The following CNTNAP2 variants were observed in gnomAD, a reference collection of about 807,000 sequenced individuals.
CNTNAP2 encodes contactin-associated protein-like 2.
Under a neutral mutation model 155.2 loss-of-function variants are expected in CNTNAP2, and 98 were observed. That is an observed-to-expected ratio of 0.63 (90% CI 0.54 to 0.75). The LOEUF (loss-of-function observed/expected upper bound fraction) is 0.75. Ranked by LOEUF, CNTNAP2 falls within the 30% of genes least tolerant of loss-of-function variation. CNTNAP2 has a pLI of 0.00. For missense variants in CNTNAP2, 1,727 were observed against 1,688.1 expected, an observed-to-expected ratio of 1.02 and a Z score of -0.40; for synonymous variants, 651 against 631.2, an observed-to-expected ratio of 1.03 and a Z score of -0.47.
At chr7:148,087,037 G>A (rs1803745440) in intron 15 of CNTNAP2, among the ~76,000 whole-genome samples, 2 of 151,994 alleles carry the variant, frequency 1.3e-5, no homozygotes, top group African/African-American at 2.4e-5. Flanking sequence ...AGATTATTAG[G>A]GCCATTGAAG....
chr7:146,952,575 C>T lies in CNTNAP2; in HGVS notation c.403-91332C>T, dbSNP rs565982816. ...TCCTGAAGCTGATAAGCAACTTCGG[C>T]GAAGTCTCAGGATATAAAATCAATG... On this transcript the variant is annotated intron_variant, in intron 3 of 23. Transcript: ENST00000361727. Among the ~76,000 whole-genome samples the T allele has an allele frequency of 7.5e-4, 114 of 152,192 alleles. 2 individuals are homozygous for T. The South Asian group carries it at 0.02, about 26-fold the overall frequency.
At chr7:146,445,482 C>G (rs931892513) in intron 1 of CNTNAP2, among the ~76,000 whole-genome samples, 1 of 151,968 alleles carries the variant, frequency 6.6e-6, no homozygotes, top group Non-Finnish European at 1.5e-5. Flanking sequence ...AAAAGAGTTC[C>G]CAGAGTTTTT....
At chr7:146,159,509 A>G (rs1798182540) in intron 1 of CNTNAP2, among the ~76,000 whole-genome samples, 2 of 152,220 alleles carry the variant, frequency 1.3e-5, no homozygotes, top group Non-Finnish European at 2.9e-5. Flanking sequence ...TCACATGCAG[A>G]GACACACATA....
intron 22 of CNTNAP2, among the ~76,000 whole-genome samples, chr7:148,395,939 C>A (rs116894182): frequency 6.6e-6 from 1 of 152,152 alleles, no homozygotes; most frequent in African/African-American, 2.4e-5. Context: ...TTCCCTTCAT[C>A]CCCTACGATA....
intron 1 of CNTNAP2, among the ~76,000 whole-genome samples, chr7:146,428,801 G>T (rs776941840): frequency 6.6e-6 from 1 of 151,772 alleles, no homozygotes; most frequent in Non-Finnish European, 1.5e-5. Context: ...TGTTTTTGGC[G>T]TTTTCATCAT....
intron 14 of CNTNAP2, among the ~76,000 whole-genome samples, chr7:147,955,889 G>A (rs2116836172): frequency 6.6e-6 from 1 of 152,298 alleles, no homozygotes; most frequent in Middle Eastern, 3.4e-3. Context: ...TGTGATGGGG[G>A]TACAGACTTG....
chr7:147,756,506 G>A (rs1042389567), intron 13 of CNTNAP2, among the ~76,000 whole-genome samples: 10 of 152,128 alleles, frequency 6.6e-5, no homozygotes, highest in Non-Finnish European at 8.8e-5. Context: ...ATAAGGATTA[G>A]GATAGCCGAT....
intron 13 of CNTNAP2, among the ~76,000 whole-genome samples, chr7:147,764,376 A>G (rs898088352): frequency 1.3e-5 from 2 of 152,188 alleles, no homozygotes; most frequent in African/African-American, 4.8e-5. Flanking sequence ...ATTTTCAGCT[A>G]TAAGCTGAAA....
chr7:146,819,739 G>A (rs1463280025), intron 2 of CNTNAP2, among the ~76,000 whole-genome samples: 1 of 151,942 alleles, frequency 6.6e-6, no homozygotes, highest in Admixed American at 6.6e-5. Flanking sequence ...TTCTCTAATC[G>A]TTTTTTTCCG....
intron 1 of CNTNAP2, among the ~76,000 whole-genome samples, chr7:146,413,625 T>G (rs543410960): frequency 6.6e-6 from 1 of 152,264 alleles, no homozygotes; most frequent in African/African-American, 2.4e-5. Context: ...TTTTCTTCCT[T>G]TTACTTGTTC....
rs567079505 is a variant in CNTNAP2, at chr7:146,758,305, G to C, written c.98-15966G>C. 7.9e-5 allele frequency among the ~76,000 whole-genome samples: 12 copies of C among 152,114 alleles called. No homozygotes were observed. The South Asian group carries it at 2.3e-3, about 29-fold the overall frequency. On this transcript the variant is annotated intron_variant, in intron 1 of 23. Coordinates refer to ENST00000361727, the MANE Select transcript of CNTNAP2 (RefSeq NM_014141.6). ...AAAGATGTAAGATCTCCTTTAAATT[G>C]TGAAAATCTCTAGATTGTAGTGCTT...
intron 13 of CNTNAP2, among the ~76,000 whole-genome samples, chr7:147,766,728 C>T (rs1563081486): frequency 1.3e-5 from 2 of 151,970 alleles, no homozygotes; most frequent in Non-Finnish European, 2.9e-5. Flanking sequence ...TACAAAATTT[C>T]GAAGGAACGG....
intron 13 of CNTNAP2, among the ~76,000 whole-genome samples, chr7:147,820,793 G>A (rs900010830): frequency 6.6e-6 from 1 of 151,970 alleles, no homozygotes; most frequent in Non-Finnish European, 1.5e-5. Flanking sequence ...AATTCCCTAG[G>A]AACCTTTGTT....
At chr7:148,184,761 G>C (rs151038410) in intron 18 of CNTNAP2, among the ~76,000 whole-genome samples, 1 of 152,270 alleles carries the variant, frequency 6.6e-6, no homozygotes, top group African/African-American at 2.4e-5. Context: ...AGAGTAACTT[G>C]AATTCCAATT....
chr7:146,959,245 C>G (rs1797504165), intron 3 of CNTNAP2, among the ~76,000 whole-genome samples: 1 of 151,958 alleles, frequency 6.6e-6, no homozygotes, highest in African/African-American at 2.4e-5. Context: ...GTTTCAAACT[C>G]CCGACATTGT....
At chr7:146,720,926 CTA>C (rs1295853411) in intron 1 of CNTNAP2, among the ~76,000 whole-genome samples, 3 of 138,144 alleles carry the variant, frequency 2.2e-5, no homozygotes, top group Non-Finnish European at 4.6e-5. Flanking sequence ...TCTATATATT[CTA>C]TATATATACT....
intron 15 of CNTNAP2, among the ~76,000 whole-genome samples, chr7:148,071,295 G>A (rs1370615891): frequency 6.6e-6 from 1 of 152,084 alleles, no homozygotes; most frequent in African/African-American, 2.4e-5. Flanking sequence ...TGGCCAACAT[G>A]GTGAGACCCC....
chr7:148,092,287 T>C (rs1803859615), intron 15 of CNTNAP2, among the ~76,000 whole-genome samples: 1 of 152,188 alleles, frequency 6.6e-6, no homozygotes, highest in African/African-American at 2.4e-5. Flanking sequence ...GTTTTCTATC[T>C]AGTCTGGGGA....
chr7:146,813,912 GA>G (rs939102034), intron 2 of CNTNAP2, among the ~76,000 whole-genome samples: 67 of 152,200 alleles, frequency 4.4e-4, no homozygotes, highest in African/African-American at 1.6e-3. Context: ...ATGGTTTTAT[GA>G]AGGGCATTTT....
Sources: gnomAD v4.1 joint callset for allele counts (sites outside exome capture counted in the v4.1 genomes callset) on GRCh38, gnomAD v4.1.1 for gene constraint, MANE v1.5 for transcripts, NCBI Gene and HGNC (gene_info 2026-07-23, HGNC 2026-07-21) for gene names.